The following XKR6 variants were observed in gnomAD, a reference collection of about 807,000 sequenced individuals.
The protein encoded by XKR6 is XK related 6.
XKR6 carries 22 observed loss-of-function variants against 56.7 expected under a neutral mutation model. The observed-to-expected ratio is 0.39, with a 90% CI of 0.28 to 0.55. The LOEUF (loss-of-function observed/expected upper bound fraction) is 0.55. Among genes scored for constraint, XKR6 ranks in the 20% least tolerant of loss-of-function variants. XKR6 has a pLI of 0.66. For missense variants in XKR6, 852 were observed against 889.0 expected (o/e 0.96, Z 0.53); for synonymous variants, 524 against 387.8 (o/e 1.35, Z -4.13).
chr8:11,121,194 G>A (rs923473755), intron 1 of XKR6, among the ~76,000 whole-genome samples: 18 of 152,194 alleles, frequency 1.2e-4, no homozygotes, highest in African/African-American at 3.4e-4. Flanking sequence ...AATGGGATCT[G>A]TTTAAACTAA....
At chr8:10,976,504 G>A (rs1802565053) in intron 1 of XKR6, among the ~76,000 whole-genome samples, 1 of 152,148 alleles carries the variant, frequency 6.6e-6, no homozygotes, top group Non-Finnish European at 1.5e-5. Flanking sequence ...TGCGCCCCCC[G>A]GGTGGTGTTA....
At chr8:11,045,353 G>T (rs1207885441) in intron 1 of XKR6, among the ~76,000 whole-genome samples, 1 of 152,032 alleles carries the variant, frequency 6.6e-6, no homozygotes, top group Non-Finnish European at 1.5e-5. Flanking sequence ...CTCCCAGAGT[G>T]CTGGGATTAT....
At chr8:11,071,377 T>C (rs1471430317) in intron 1 of XKR6, among the ~76,000 whole-genome samples, 3 of 152,204 alleles carry the variant, frequency 2.0e-5, no homozygotes, top group Non-Finnish European at 4.4e-5. Context: ...GTAGCTAGGA[T>C]TACAGGCACG....
At chr8:11,017,171 T>C (rs563338047) in intron 1 of XKR6, among the ~76,000 whole-genome samples, 139 of 152,208 alleles carry the variant, frequency 9.1e-4, no homozygotes, top group Middle Eastern at 3.4e-3. Context: ...CAGAGATAGA[T>C]AGAGATGATA....
chr8:11,090,453 T>C (rs897000088), intron 1 of XKR6, among the ~76,000 whole-genome samples: 1 of 152,032 alleles, frequency 6.6e-6, no homozygotes, highest in Non-Finnish European at 1.5e-5. Context: ...AAAAGCAATG[T>C]TGGAAAGGAT....
intron 1 of XKR6, among the ~76,000 whole-genome samples, chr8:10,959,213 C>T (rs1801987705): frequency 6.6e-6 from 1 of 152,180 alleles, no homozygotes; most frequent in South Asian, 2.1e-4. Context: ...TCCCTCCCCA[C>T]TCTATGGTGA....
intron 1 of XKR6, among the ~76,000 whole-genome samples, chr8:11,184,938 T>A (rs1803190678): frequency 6.6e-6 from 1 of 152,160 alleles, no homozygotes; most frequent in South Asian, 2.1e-4. Flanking sequence ...TCAAATAACA[T>A]CGTTTCATTG....
chr8:11,074,444 C>T (rs1800215803), intron 1 of XKR6, among the ~76,000 whole-genome samples: 3 of 152,176 alleles, frequency 2.0e-5, no homozygotes, highest in African/African-American at 7.2e-5. Context: ...GCTCTGGCCT[C>T]ATGTTTCATT....
At chr8:11,018,344 A>G (rs1470161888) in intron 1 of XKR6, among the ~76,000 whole-genome samples, 1 of 152,208 alleles carries the variant, frequency 6.6e-6, no homozygotes, top group Non-Finnish European at 1.5e-5. Flanking sequence ...TGCTGTGCAC[A>G]GCTCCTCACC....
At chr8:11,060,418 G>A (rs1586490915) in intron 1 of XKR6, among the ~76,000 whole-genome samples, 1 of 152,302 alleles carries the variant, frequency 6.6e-6, no homozygotes, top group East Asian at 1.9e-4. Context: ...TGCCTCCTCC[G>A]CAGCCCCGCA....
chr8:11,162,230 G>C (rs1006633086), intron 1 of XKR6, among the ~76,000 whole-genome samples: 3 of 152,212 alleles, frequency 2.0e-5, no homozygotes, highest in African/African-American at 7.2e-5. Context: ...AAGTTGAGGA[G>C]AAGTGGTTGC....
chr8:11,069,778 A>C lies in XKR6; in HGVS notation c.764+130798T>G, dbSNP rs1586504051. Among the ~76,000 whole-genome samples the C allele has an allele frequency of 1.3e-5, 2 of 152,204 alleles. 1 individual carries two copies. The highest frequency in any genetic ancestry group is 2.9e-5 in the Non-Finnish European group (2 of 68,054). On this transcript the variant is annotated intron_variant, in intron 1 of 2. Transcript: ENST00000416569. The stretch of plus-strand genomic sequence containing the variant: ...CAGAGCCTTCAGTGCACTACTGTGC[A>C]ACTGGATTTCCAAGAAGGGGATGTA...
intron 1 of XKR6, among the ~76,000 whole-genome samples, chr8:11,186,836 C>T (rs907982257): frequency 1.3e-5 from 2 of 152,210 alleles, no homozygotes; most frequent in African/African-American, 2.4e-5. Flanking sequence ...CAGTCACTGA[C>T]ATTGTTGTTA....
chr8:11,161,406 G>C (rs574512242), intron 1 of XKR6, among the ~76,000 whole-genome samples: 2 of 152,242 alleles, frequency 1.3e-5, no homozygotes, highest in South Asian at 4.2e-4. Flanking sequence ...TTCCCGTCTA[G>C]TGCCTTTGCT....
intron 1 of XKR6, among the ~76,000 whole-genome samples, chr8:11,098,293 A>G (rs60954332): frequency 2.2e-3 from 337 of 152,162 alleles, no homozygotes; most frequent in African/African-American, 7.2e-3. Context: ...GCGCGCGCGC[A>G]CACACACACA....
At chr8:11,088,009 T>C (rs563469311) in intron 1 of XKR6, among the ~76,000 whole-genome samples, 2 of 152,364 alleles carry the variant, frequency 1.3e-5, no homozygotes, top group Admixed American at 1.3e-4. Context: ...GTATTGCCAC[T>C]GTCAGATTGA....
chr8:11,060,162 G>C lies in XKR6; in HGVS notation c.765-135332C>G, dbSNP rs1296903427. Among the ~76,000 whole-genome samples the C allele has an allele frequency of 3.3e-5, 5 of 152,180 alleles. No homozygotes were observed. The South Asian group carries it at 8.3e-4, about 25-fold the overall frequency. ...CAGAGCTTGGGGAGGGTGGCAGGCG[G>C]AGATAAAGAGAACCCCAAGTTCTGG... On this transcript the variant is annotated intron_variant, in intron 1 of 2. Coordinates refer to ENST00000416569, the MANE Select transcript of XKR6 (RefSeq NM_173683.4).
intron 1 of XKR6, among the ~76,000 whole-genome samples, chr8:10,999,503 C>A (rs1241522394): frequency 1.3e-5 from 2 of 152,164 alleles, no homozygotes; most frequent in Non-Finnish European, 2.9e-5. Flanking sequence ...ACTTCTTTAT[C>A]TTCAGAAGAA....
At chr8:10,990,147 G>C (rs1485624309) in intron 1 of XKR6, among the ~76,000 whole-genome samples, 1 of 152,212 alleles carries the variant, frequency 6.6e-6, no homozygotes, top group Non-Finnish European at 1.5e-5. Context: ...AAACTTTTGT[G>C]ACAGTCAGGT....
Sources: gnomAD v4.1 joint callset for allele counts (sites outside exome capture counted in the v4.1 genomes callset) on GRCh38, gnomAD v4.1.1 for gene constraint, MANE v1.5 for transcripts, NCBI Gene and HGNC (gene_info 2026-07-23, HGNC 2026-07-21) for gene names.